Variants in MTAP observed in about 807,000 individuals in gnomAD.
MTAP encodes methylthioadenosine phosphorylase.
MTAP carries 33 observed loss-of-function variants against 33.6 expected under a neutral mutation model. The observed-to-expected ratio is 0.98, with a 90% CI of 0.74 to 1.31. The LOEUF is 1.31. Among genes scored for constraint, MTAP ranks in the 40% most tolerant of loss-of-function variants. The pLI, the probability that MTAP is intolerant of heterozygous loss-of-function variation, is 0.00. For synonymous variants in MTAP, 148 were observed against 125.7 expected (o/e 1.18, Z -1.19); for missense variants, 367 against 360.0 (o/e 1.02, Z -0.16).
At chr9:21,824,724 C>G (rs1238510678) in intron 4 of MTAP, among the ~76,000 whole-genome samples, 4 of 152,158 alleles carry the variant, frequency 2.6e-5, no homozygotes. Flanking sequence ...GCAGGCAGGC[C>G]TCCTTGAGCT....
chr9:21,802,877 C>G, intron 1 of MTAP, 96 bp downstream of exon 1: 6 of 1,524,004 alleles, frequency 3.9e-6, no homozygotes, highest in Non-Finnish European at 5.3e-6. Flanking sequence ...ATGCGCCCGG[C>G]CCGTGCGTCC....
chr9:21,839,770 A>T (rs567178234), intron 5 of MTAP, among the ~76,000 whole-genome samples: 1 of 152,366 alleles, frequency 6.6e-6, no homozygotes, highest in East Asian at 1.9e-4. Context: ...ATGAATTGTC[A>T]AGTGGCAAGC....
At chr9:21,856,277 G>T in intron 6 of MTAP, 1 of 628,014 alleles carries the variant, frequency 1.6e-6, no homozygotes, top group Non-Finnish European at 2.0e-6. Flanking sequence ...TAGAGAGTTT[G>T]TTTTACTATC....
rs1396585222 is a variant in MTAP at position 21,864,964 on chromosome 9, T to C, written c.*2950T>C. ...GTTTTTAATTTTCTCAACAAGCATT[T>C]AGCCAGCACTTATCCAGTGAAACAA... is the stretch of plus-strand genomic sequence containing the variant. On this transcript the variant is annotated 3_prime_UTR_variant, in exon 8 of 8. Transcript: ENST00000644715. The C allele has an allele frequency of 5.2e-5, 51 of 985,362 alleles. No homozygotes were observed. The highest frequency in any genetic ancestry group is 5.9e-5 in the Non-Finnish European group (49 of 829,950). 61.0% of individuals were successfully genotyped at this position (985,362 alleles called of 1,614,324 possible).
intron 1 of MTAP, among the ~76,000 whole-genome samples, chr9:21,805,423 G>C (rs561336948): frequency 3.3e-5 from 5 of 152,298 alleles, no homozygotes; most frequent in East Asian, 1.9e-4. Context: ...TTTTCTTCAA[G>C]TTTATATTCT....
At chr9:21,940,540 A>G (rs1225855748), downstream of MTAP, among the ~76,000 whole-genome samples, 2 of 152,336 alleles carry the variant, frequency 1.3e-5, no homozygotes, top group East Asian at 3.9e-4. Context: ...AATTTCCTCC[A>G]GTATCTGGCT....
chr9:21,933,209 A>G (rs1273300612), downstream of MTAP: 1 of 152,210 alleles, frequency 6.6e-6, no homozygotes, highest in South Asian at 2.1e-4. Flanking sequence ...TTGAAGCTGG[A>G]TGGGGAAGAC....
chr9:21,925,040 G>A (rs115823972), intron 1 of MTAP, among the ~76,000 whole-genome samples: 2,674 of 152,284 alleles, frequency 0.018, 77 homozygotes, highest in African/African-American at 0.061. Flanking sequence ...ACTGACCTTG[G>A]TGGCTACCCT....
rs1824549798 is a variant in MTAP at position 21,818,667 on chromosome 9, A to G, written c.347+465A>G. Among the ~76,000 whole-genome samples, 3 of 152,096 alleles carry G rather than the reference A, an allele frequency of 2.0e-5. No individual in the cohort carries two copies. The South Asian group carries it at 6.2e-4, about 32-fold the overall frequency. ...TGTGAGTTTTTGTTTTTTAATTTTA[A>G]TTGACAAATGATAAATGTATATATG... On this transcript the variant is annotated intron_variant, in intron 4 of 7. Coordinates refer to ENST00000644715, the MANE Select transcript of MTAP (RefSeq NM_002451.4).
intron 1 of MTAP, among the ~76,000 whole-genome samples, chr9:21,891,329 G>A (rs1201346344): frequency 1.3e-5 from 2 of 151,982 alleles, no homozygotes; most frequent in African/African-American, 2.4e-5. Flanking sequence ...TCAGAATCTG[G>A]ATGGCAATGA....
chr9:21,844,103 T>G (rs201615296), intron 5 of MTAP, among the ~76,000 whole-genome samples: 1 of 152,278 alleles, frequency 6.6e-6, no homozygotes, highest in East Asian at 1.9e-4. Flanking sequence ...ATGAACACCT[T>G]TATGCACACA....
At chr9:21,886,399 G>A (rs1372427258) in intron 1 of MTAP, among the ~76,000 whole-genome samples, 1 of 152,076 alleles carries the variant, frequency 6.6e-6, no homozygotes, top group Non-Finnish European at 1.5e-5. Flanking sequence ...CACTCTGTGG[G>A]TTGTCTGTTT....
At chr9:21,895,351 C>T (rs1288689691) in intron 1 of MTAP, among the ~76,000 whole-genome samples, 1 of 152,156 alleles carries the variant, frequency 6.6e-6, no homozygotes, top group Non-Finnish European at 1.5e-5. Flanking sequence ...TAAAGAACTG[C>T]CCCAAGGTTC....
intron 5 of MTAP, among the ~76,000 whole-genome samples, chr9:21,846,287 G>A (rs1825379606): frequency 6.6e-6 from 1 of 152,010 alleles, no homozygotes; most frequent in Admixed American, 6.6e-5. Flanking sequence ...AAATGCTTCA[G>A]CACAACAACA....
intron 1 of MTAP, among the ~76,000 whole-genome samples, chr9:21,883,388 G>A (rs915014789): frequency 2.7e-4 from 41 of 152,144 alleles, no homozygotes; most frequent in Admixed American, 2.6e-3. Flanking sequence ...CCAAGTTTGG[G>A]CAAAGATGTG....
intron 1 of MTAP, chr9:21,930,935 C>T (rs1330616495): frequency 4.4e-6 from 3 of 675,004 alleles, no homozygotes; most frequent in Admixed American, 2.1e-5. Context: ...ATGTTAGCCT[C>T]TACTTTTGCT....
At chr9:21,918,788 A>G (rs538623084) in intron 1 of MTAP, among the ~76,000 whole-genome samples, 4 of 152,130 alleles carry the variant, frequency 2.6e-5, no homozygotes, top group South Asian at 4.1e-4. Context: ...GCCAGGTAAG[A>G]TGTGTCTTTG....
chr9:21,899,608 G>A (rs1818356140), intron 1 of MTAP, among the ~76,000 whole-genome samples: 1 of 152,102 alleles, frequency 6.6e-6, no homozygotes, highest in South Asian at 2.1e-4. Flanking sequence ...AGGGTGGCAG[G>A]ACAGAGTGAG....
At chr9:21,817,428 G>T (rs1824510631) in intron 3 of MTAP, among the ~76,000 whole-genome samples, 1 of 151,962 alleles carries the variant, frequency 6.6e-6, no homozygotes, top group Non-Finnish European at 1.5e-5. Flanking sequence ...TTCAAGGACT[G>T]AGTCCCCATC....
Sources: allele counts gnomAD v4.1 joint callset (sites outside exome capture counted in the v4.1 genomes callset), GRCh38; gene constraint gnomAD v4.1.1; transcripts MANE v1.5; gene names NCBI Gene and HGNC (gene_info 2026-07-23, HGNC 2026-07-21).